The following MYCBP2 variants were observed in gnomAD, a reference collection of about 807,000 sequenced individuals.
MYCBP2 encodes the protein E3 ubiquitin-protein ligase MYCBP2.
MYCBP2 carries 120 observed loss-of-function variants against 525.3 expected under a neutral mutation model. The ratio of observed to expected loss-of-function variants is 0.23; its 90% CI spans 0.20 to 0.27. MYCBP2 has a LOEUF of 0.27. MYCBP2 is among the 10% of genes least tolerant of loss of function. The pLI, the probability that MYCBP2 is intolerant of heterozygous loss-of-function variation, is 1.00. For missense variants in MYCBP2, 4,149 were observed against 5,657.1 expected (o/e 0.73, Z 8.55); for synonymous variants, 1,894 against 1,955.8 (o/e 0.97, Z 0.83).
chr13:77,087,785 GTTTTTC>G, intron 61 of MYCBP2, 152 bp from the exon 62 acceptor site: 2 of 715,372 alleles, frequency 2.8e-6, no homozygotes, highest in Non-Finnish European at 4.4e-6. Flanking sequence ...TTTACTATTT[GTTTTTC>G]TTTTTAAGAG....
chr13:77,174,909 A>C (rs2059479898), intron 36 of MYCBP2, among the ~76,000 whole-genome samples: 1 of 1,764 alleles, frequency 5.7e-4, no homozygotes, highest in Non-Finnish European at 1.2e-3. Flanking sequence ...CTATATATAT[A>C]TAATATATAT....
At chr13:77,072,831 C>T (rs2041610443) in intron 68 of MYCBP2, among the ~76,000 whole-genome samples, 1 of 152,102 alleles carries the variant, frequency 6.6e-6, no homozygotes. Context: ...AAACAGATAA[C>T]TGAAACAGCT....
chr13:77,055,854 G>T (rs2037848084), intron 79 of MYCBP2, 87 bp from the exon 80 acceptor site: 4 of 875,820 alleles, frequency 4.6e-6, no homozygotes, highest in East Asian at 2.6e-5. Flanking sequence ...GCCAAGCATT[G>T]TGCTAGAAGA....
At chr13:77,085,352 CCAGTA>C (rs1256095962) in intron 62 of MYCBP2, among the ~76,000 whole-genome samples, 1 of 152,048 alleles carries the variant, frequency 6.6e-6, no homozygotes, top group East Asian at 1.9e-4. Context: ...CTTTATGTGT[CCAGTA>C]AACAGTCAAT....
chr13:77,266,575 T>A (rs1445381055), intron 8 of MYCBP2, among the ~76,000 whole-genome samples: 1 of 151,978 alleles, frequency 6.6e-6, no homozygotes, highest in African/African-American at 2.4e-5. Flanking sequence ...ATTATAATTA[T>A]TTCAATTCAT....
rs573363753 is a variant in MYCBP2 at position 77,063,237 on chromosome 13, A to G, written c.12673-540T>C. Among the ~76,000 whole-genome samples, 8 of 152,256 alleles carry G rather than the reference A, an allele frequency of 5.3e-5. 1 individual carries two copies. Among genetic ancestry groups the G allele is most frequent in the African/African-American group, 1.4e-4 (6 of 41,544 alleles). On this transcript the variant is annotated intron_variant, in intron 73 of 82. Coordinates refer to ENST00000544440, the MANE Select transcript of MYCBP2 (RefSeq NM_015057.5). Reference sequence around the variant, plus strand: ...TTGGTGCACTTTGTCAGAAATACATACATGTCTAAAAGCTTTAGAAAACTG... The same window carrying G: ...TTGGTGCACTTTGTCAGAAATACATGCATGTCTAAAAGCTTTAGAAAACTG...
At chr13:77,164,403 C>T in intron 43 of MYCBP2, 51 bp downstream of exon 43, 1 of 1,257,768 alleles carries the variant, frequency 8.0e-7, no homozygotes. Flanking sequence ...ATAATACATA[C>T]AAAACAAAAC....
At position 77,079,897 on chromosome 13, in the gene MYCBP2, G is replaced by A. The variant is rs536649885; in HGVS notation, c.11419-1008C>T. 2.6e-5 allele frequency among the ~76,000 whole-genome samples: 4 copies of A among 152,298 alleles called. No homozygotes were observed. The South Asian group carries it at 8.3e-4, about 32-fold the overall frequency. ...ATAGAGGAAGCCTGTTAAAAGGAAA[G>A]TAGATGTCAGCTTACATGTTGGGAA... On this transcript the variant is annotated intron_variant, in intron 65 of 82. Transcript: ENST00000544440.
At chr13:77,115,192 C>T (rs966618971) in intron 55 of MYCBP2, among the ~76,000 whole-genome samples, 12 of 151,820 alleles carry the variant, frequency 7.9e-5, no homozygotes, top group African/African-American at 1.7e-4. Flanking sequence ...ATGTGTAAGA[C>T]ACTGTCAGAA....
chr13:77,321,620 T>C (rs541469717), intron 1 of MYCBP2, among the ~76,000 whole-genome samples: 2 of 152,356 alleles, frequency 1.3e-5, no homozygotes, highest in South Asian at 2.1e-4. Flanking sequence ...ACACCTGCAT[T>C]CTAGCTCTAA....
At chr13:77,186,882 T>C (rs2060779291) in intron 30 of MYCBP2, among the ~76,000 whole-genome samples, 1 of 148,966 alleles carries the variant, frequency 6.7e-6, no homozygotes. Context: ...CACGGGTCAC[T>C]GCAACCTCAA....
At chr13:77,067,003 T>G (rs2040323446) in intron 71 of MYCBP2, among the ~76,000 whole-genome samples, 1 of 152,160 alleles carries the variant, frequency 6.6e-6, no homozygotes, top group Non-Finnish European at 1.5e-5. Flanking sequence ...TTATATAGGT[T>G]TAAGTATTTT....
At chr13:77,250,124 G>A (rs9600842) in intron 15 of MYCBP2, among the ~76,000 whole-genome samples, 4,470 of 151,252 alleles carry the variant, frequency 0.03, 234 homozygotes, top group African/African-American at 0.1. Flanking sequence ...TTGGGAGGTC[G>A]AGGCAGGAGA....
intron 60 of MYCBP2, among the ~76,000 whole-genome samples, chr13:77,089,857 A>C (rs1317907681): frequency 6.6e-6 from 1 of 152,062 alleles, no homozygotes; most frequent in African/African-American, 2.4e-5. Flanking sequence ...CTAACAAGTA[A>C]GATTGTAAAG....
rs374426018 is a variant in MYCBP2, at chr13:77,077,300, G to C, written c.11572C>G (p.Pro3858Ala). Residue 3858 changes from proline to alanine, a missense_variant, in exon 67 of 83, where the codon CCA (proline) becomes GCA (alanine). Pro to Ala is a conservative substitution (Grantham distance 27). This residue lies in a region of MYCBP2 where 509 missense variants were observed against 789.4 expected (regional missense o/e 0.64). Transcript: ENST00000544440. The stretch of plus-strand genomic sequence containing the variant: ...TGTCGAACTCTCAGTGTATTTTCTG[G>C]GCCTTTTAATTCAATTTTTATGATG... ...NHIIKIELKG[P>A]ENTLRVRQVK... 1 of 1,613,850 alleles carries C rather than the reference G, an allele frequency of 6.2e-7. No individual in the cohort carries two copies.
At chr13:77,229,781 T>A (rs1345936494) in intron 18 of MYCBP2, among the ~76,000 whole-genome samples, 1 of 152,138 alleles carries the variant, frequency 6.6e-6, no homozygotes, top group Non-Finnish European at 1.5e-5. Flanking sequence ...GAAATAAAAT[T>A]GAAGCCTAAT....
intron 5 of MYCBP2, among the ~76,000 whole-genome samples, chr13:77,271,796 C>T (rs778517838): frequency 1.3e-5 from 2 of 152,162 alleles, no homozygotes; most frequent in Non-Finnish European, 2.9e-5. Context: ...TGCCCAGTCT[C>T]GGGTACATCT....
chr13:77,239,015 G>A (rs1405423389), intron 17 of MYCBP2, among the ~76,000 whole-genome samples: 6 of 152,166 alleles, frequency 3.9e-5, no homozygotes, highest in Non-Finnish European at 7.4e-5. Flanking sequence ...AGCTACTCGG[G>A]AGGCCGAGGC....
intron 70 of MYCBP2, among the ~76,000 whole-genome samples, chr13:77,068,077 G>A (rs558936792): frequency 1.9e-4 from 29 of 152,172 alleles, no homozygotes; most frequent in African/African-American, 7.0e-4. Context: ...ACAGGCATAA[G>A]TCACTGTACC....
Sources: gnomAD v4.1 joint callset for allele counts (sites outside exome capture counted in the v4.1 genomes callset) on GRCh38, gnomAD v4.1.1 for gene constraint, gnomAD v4.1.1 regional missense constraint, MANE v1.5 for transcripts, NCBI Gene and HGNC (gene_info 2026-07-23, HGNC 2026-07-21) for gene names.